The following SLC71A1 variants were observed in gnomAD, a reference collection of about 807,000 sequenced individuals.
The protein encoded by SLC71A1 is hippocampus abundant gene transcript 1.
chr1:100,041,046 G>T, the SLC71A1 span, among the ~76,000 whole-genome samples: 1 of 151,976 alleles, frequency 6.6e-6, no homozygotes, highest in South Asian at 2.1e-4. Flanking sequence ...ATTCTTTCCC[G>T]TTGTCCTGCT....
the SLC71A1 span, chr1:100,059,835 T>A: frequency 6.5e-7 from 1 of 1,528,982 alleles, no homozygotes; most frequent in Admixed American, 2.1e-5. Flanking sequence ...TGGTTCATGC[T>A]CATAGATGTG....
At chr1:100,048,982 G>A in the SLC71A1 span, among the ~76,000 whole-genome samples, 4 of 152,280 alleles carry the variant, frequency 2.6e-5, no homozygotes, top group South Asian at 8.3e-4. Flanking sequence ...TATTTATCAA[G>A]CTCCTCCCAA....
chr1:100,067,127 C>T, the SLC71A1 span, among the ~76,000 whole-genome samples: 1 of 152,082 alleles, frequency 6.6e-6, no homozygotes, highest in African/African-American at 2.4e-5. Flanking sequence ...CATGAACCAT[C>T]ACACCCAGTC....
At chr1:100,039,182 T>G in the SLC71A1 span, among the ~76,000 whole-genome samples, 1 of 152,242 alleles carries the variant, frequency 6.6e-6, no homozygotes, top group South Asian at 2.1e-4. Flanking sequence ...ATTTCTCCGT[T>G]GCTACACTGT....
chr1:100,060,580 A>C, the SLC71A1 span, among the ~76,000 whole-genome samples: 1 of 152,050 alleles, frequency 6.6e-6, no homozygotes, highest in East Asian at 1.9e-4. Flanking sequence ...AAGTCATACT[A>C]CTGATAGCAA....
At chr1:100,073,376 CCTT>C in the SLC71A1 span, among the ~76,000 whole-genome samples, 26 of 152,264 alleles carry the variant, frequency 1.7e-4, no homozygotes, top group East Asian at 4.0e-3. Flanking sequence ...AATCTAGACT[CCTT>C]ATTATGTCAT....
At chr1:100,045,524 AAATT>A in the SLC71A1 span, among the ~76,000 whole-genome samples, 1 of 152,150 alleles carries the variant, frequency 6.6e-6, no homozygotes, top group Non-Finnish European at 1.5e-5. Flanking sequence ...TAGGACTTCT[AAATT>A]TTTTAATTAC....
the SLC71A1 span, chr1:100,080,234 ATAAAG>A: frequency 1.4e-5 from 4 of 279,614 alleles, no homozygotes; most frequent in African/African-American, 4.3e-5. Context: ...ATCTAGGGAA[ATAAAG>A]TAGTTTTGCC....
At chr1:100,038,281 C>T in the SLC71A1 span, 1 of 1,560,790 alleles carries the variant, frequency 6.4e-7, no homozygotes, top group Non-Finnish European at 8.7e-7. Flanking sequence ...CAGTATCATG[C>T]TGGCCAAGAA....
At chr1:100,082,174 G>A in the SLC71A1 span, 1 of 1,614,054 alleles carries the variant, frequency 6.2e-7, no homozygotes, top group Non-Finnish European at 8.5e-7. Flanking sequence ...GCCAGGAGAG[G>A]CCAAAGAACC....
At chr1:100,060,049 C>G in the SLC71A1 span, 1 of 1,510,294 alleles carries the variant, frequency 6.6e-7, no homozygotes, top group Non-Finnish European at 8.9e-7. Context: ...TCACTTTCAG[C>G]TATTGTTTTC....
chr1:100,049,806 T>C, the SLC71A1 span: 2 of 642,428 alleles, frequency 3.1e-6, no homozygotes, highest in African/African-American at 1.8e-5. Context: ...AGTACATATA[T>C]GATCTTAATA....
the SLC71A1 span, chr1:100,077,019 A>T: frequency 1.3e-4 from 77 of 571,340 alleles, no homozygotes; most frequent in African/African-American, 1.3e-3. Flanking sequence ...TGTGACCTGG[A>T]CTAGTGATCT....
At chr1:100,041,185 A>C in the SLC71A1 span, among the ~76,000 whole-genome samples, 1 of 152,248 alleles carries the variant, frequency 6.6e-6, no homozygotes, top group Non-Finnish European at 1.5e-5. Context: ...GGCTGAAGAA[A>C]TAAATCCTTC....
At chr1:100,071,289 CAAAAAAAAAA>C in the SLC71A1 span, among the ~76,000 whole-genome samples, 4 of 53,344 alleles carry the variant, frequency 7.5e-5, no homozygotes, top group South Asian at 1.4e-3. Flanking sequence ...CCATCTCTAC[CAAAAAAAAAA>C]AAAAAAAAAA....
the SLC71A1 span, among the ~76,000 whole-genome samples, chr1:100,057,277 A>G: frequency 6.6e-6 from 1 of 151,886 alleles, no homozygotes; most frequent in African/African-American, 2.4e-5. Flanking sequence ...CTATTTTTAT[A>G]AATAAAATTT....
the SLC71A1 span, among the ~76,000 whole-genome samples, chr1:100,053,369 T>C: frequency 6.6e-6 from 1 of 152,076 alleles, no homozygotes; most frequent in Non-Finnish European, 1.5e-5. Flanking sequence ...TCTTTAAACA[T>C]TTCATTTCTG....
the SLC71A1 span, chr1:100,062,033 C>T: frequency 1.3e-6 from 1 of 753,020 alleles, no homozygotes; most frequent in East Asian, 2.8e-5. Flanking sequence ...GAGTGCAAAC[C>T]TTTGCATTAC....
chr1:100,038,754 T>C, the SLC71A1 span, among the ~76,000 whole-genome samples: 2 of 152,236 alleles, frequency 1.3e-5, no homozygotes, highest in Non-Finnish European at 2.9e-5. Context: ...CTCTCCCATA[T>C]GTTGCTAACG....
Sources: gnomAD v4.1 joint callset for allele counts (sites outside exome capture counted in the v4.1 genomes callset) on GRCh38, gnomAD v4.1.1 for gene constraint, MANE v1.5 for transcripts, NCBI Gene and HGNC (gene_info 2026-07-23, HGNC 2026-07-21) for gene names.